AURKA: variants seen among roughly 807,000 people sequenced by gnomAD.
AURKA encodes aurora kinase A, also known as aurora 2.
In AURKA, 12 loss-of-function variants were observed where a neutral mutation model predicts 40.9. That is an observed-to-expected ratio of 0.29 (90% CI 0.19 to 0.48). The LOEUF is 0.48. Ranked by LOEUF, AURKA falls within the 20% of genes least tolerant of loss-of-function variation. The probability of loss-of-function intolerance (pLI) is 0.99; values close to 1 mark genes in which losing one functional copy is unlikely to be tolerated. For synonymous variants in AURKA, 170 were observed against 164.3 expected, an observed-to-expected ratio of 1.03 and a Z score of -0.26; for missense variants, 322 against 462.1, an observed-to-expected ratio of 0.70 and a Z score of 2.78.
At chr20:56,390,548 C>T (rs1402669279) in intron 1 of AURKA, 1 of 152,092 alleles carries the variant, frequency 6.6e-6, no homozygotes, top group Non-Finnish European at 1.5e-5. Flanking sequence ...CTCAGGTGAT[C>T]CACCCACCTC....
chr20:56,377,221 G>A (rs765708309), intron 6 of AURKA, among the ~76,000 whole-genome samples: 10 of 152,212 alleles, frequency 6.6e-5, no homozygotes, highest in Non-Finnish European at 1.5e-4. Flanking sequence ...AGGCTGCAGT[G>A]AGCAGAGATC....
rs1037323685 is a variant in AURKA at position 56,370,164 on chromosome 20, C to A, written c.1206G>T (p.Gln402His). The A allele has an allele frequency of 1.2e-5, 20 of 1,612,460 alleles. No individual in the cohort carries two copies. Among genetic ancestry groups the A allele is most frequent in the Non-Finnish European group, 1.4e-5 (17 of 1,180,000 alleles). The change falls in exon 9 of 9, where the codon CAG becomes CAT. Residue 402 changes from glutamine (Q) to histidine (H), a missense_variant. Physicochemically the swap from Gln to His is conservative, Grantham distance 24. Coordinates refer to ENST00000395915, the MANE Select transcript of AURKA (RefSeq NM_198437.3). ...TTCTCCCCCTGCACGATTCCTAAGA[C>A]TGTTTGCTAGCTGATTCTTTGTTTT... is the stretch of plus-strand genomic sequence containing the variant. ...NCQNKESASK[Q>H]S
intron 1 of AURKA, chr20:56,390,586 C>A (rs1986966620): frequency 6.6e-6 from 1 of 152,064 alleles, no homozygotes; most frequent in Non-Finnish European, 1.5e-5. Flanking sequence ...GGATTACGGG[C>A]ATGAGCCACC....
intron 7 of AURKA, among the ~76,000 whole-genome samples, chr20:56,371,258 C>G (rs757417486): frequency 1.3e-5 from 2 of 152,052 alleles, no homozygotes; most frequent in Non-Finnish European, 2.9e-5. Flanking sequence ...GTCAGGAGAT[C>G]GAGACCATCC....
At chr20:56,379,814 G>A (rs1198295328) in intron 6 of AURKA, among the ~76,000 whole-genome samples, 1 of 151,168 alleles carries the variant, frequency 6.6e-6, no homozygotes, top group Non-Finnish European at 1.5e-5. Flanking sequence ...ATACAAAAAT[G>A]AGCCGGGTGT....
intron 6 of AURKA, among the ~76,000 whole-genome samples, chr20:56,379,866 G>C (rs1464476114): frequency 1.3e-5 from 2 of 151,860 alleles, no homozygotes; most frequent in Admixed American, 6.6e-5. Flanking sequence ...AGGAGGCTGA[G>C]GCAGGAGAAT....
chr20:56,382,966 C>G lies in AURKA; in HGVS notation c.566+19G>C. ...CAGCATTGGTGAACATTCTTTTGAA[C>G]ATGAACCTGAAAACTCACCGAAGGT... On this transcript the variant is annotated intron_variant, in intron 5 of 8. Coordinates refer to ENST00000395915, the MANE Select transcript of AURKA (RefSeq NM_198437.3). 6.2e-7 allele frequency: 1 copy of G among 1,612,744 alleles called. No individual in the cohort carries two copies. The highest frequency in any genetic ancestry group is 8.5e-7 in the Non-Finnish European group (1 of 1,179,804).
At chr20:56,383,516 G>C (rs982437330) in intron 4 of AURKA, among the ~76,000 whole-genome samples, 1 of 152,184 alleles carries the variant, frequency 6.6e-6, no homozygotes, top group Non-Finnish European at 1.5e-5. Flanking sequence ...GACCAGAGAG[G>C]GAGGAATGCT....
intron 3 of AURKA, among the ~76,000 whole-genome samples, chr20:56,385,530 C>T (rs1986246878): frequency 6.6e-6 from 1 of 151,238 alleles, no homozygotes; most frequent in Non-Finnish European, 1.5e-5. Context: ...GGCACAATCT[C>T]GGCTCACCAC....
intron 4 of AURKA, among the ~76,000 whole-genome samples, chr20:56,383,566 T>G (rs923428441): frequency 6.6e-6 from 1 of 152,334 alleles, no homozygotes; most frequent in Admixed American, 6.5e-5. Flanking sequence ...TAACCCCAGC[T>G]GCTCCCTCCA....
At chr20:56,384,749 G>T (rs1362367542) in intron 3 of AURKA, among the ~76,000 whole-genome samples, 2 of 152,084 alleles carry the variant, frequency 1.3e-5, no homozygotes, top group Non-Finnish European at 2.9e-5. Context: ...TCACCAACAT[G>T]TAGCAAAACA....
chr20:56,370,011 A>T lies in AURKA; in HGVS notation c.*147T>A. ...GTGGAGCTTTCTGAATAGGGAGGTT[A>T]AGGCACACCTGCTGAGTAAAACAAA... On this transcript the variant is annotated 3_prime_UTR_variant, in exon 9 of 9. Coordinates refer to ENST00000395915, the MANE Select transcript of AURKA (RefSeq NM_198437.3). The T allele has an allele frequency of 2.0e-6, 2 of 999,280 alleles. No individual in the cohort carries two copies. Among genetic ancestry groups the T allele is most frequent in the Non-Finnish European group, 1.6e-6 (1 of 639,902 alleles). 61.9% of individuals were successfully genotyped at this position (999,280 alleles called of 1,614,324 possible).
At chr20:56,374,406 CAGA>C (rs1407449539) in intron 6 of AURKA, among the ~76,000 whole-genome samples, 1 of 151,946 alleles carries the variant, frequency 6.6e-6, no homozygotes, top group South Asian at 2.1e-4. Flanking sequence ...CATTCTGTGA[CAGA>C]AGAATTTGTT....
chr20:56,375,034 G>A (rs1322013638), intron 6 of AURKA, among the ~76,000 whole-genome samples: 1 of 152,042 alleles, frequency 6.6e-6, no homozygotes, highest in African/African-American at 2.4e-5. Context: ...GGCAACAAGA[G>A]TAAAATTCCG....
At chr20:56,378,250 A>G (rs539863206) in intron 6 of AURKA, among the ~76,000 whole-genome samples, 68 of 152,282 alleles carry the variant, frequency 4.5e-4, no homozygotes, top group African/African-American at 1.5e-3. Context: ...ATACCACATT[A>G]CCGTTGTATA....
chr20:56,378,350 T>C (rs1043769610), intron 6 of AURKA, among the ~76,000 whole-genome samples: 1 of 152,218 alleles, frequency 6.6e-6, no homozygotes, highest in Non-Finnish European at 1.5e-5. Context: ...CTTTGTCTTA[T>C]AGACTCCACT....
At chr20:56,378,197 T>C (rs1047754173) in intron 6 of AURKA, among the ~76,000 whole-genome samples, 7 of 152,106 alleles carry the variant, frequency 4.6e-5, no homozygotes, top group African/African-American at 1.7e-4. Flanking sequence ...CATCAAATGT[T>C]GGCAACTATG....
rs1986648961 is a variant in AURKA, at chr20:56,388,431, C to A, written c.-5-229G>T. The stretch of plus-strand genomic sequence containing the variant: ...CATCCTCTGTCACGGAGTCTTCACT[C>A]CTGATGGTCTTGCTGCTCCATCATC... On this transcript the variant is annotated intron_variant, in intron 1 of 8. Transcript: ENST00000395915. 6.9e-6 allele frequency: 4 copies of A among 579,524 alleles called. No homozygotes were observed. In the East Asian group the frequency reaches 1.1e-4, roughly 17 times the overall value. 35.9% of individuals were successfully genotyped at this position (579,524 alleles called of 1,614,324 possible).
chr20:56,386,537 G>A lies in AURKA; in HGVS notation c.43-4C>T. On this transcript the variant is annotated splice_polypyrimidine_tract_variant and splice_region_variant and intron_variant, in intron 2 of 8. Coordinates refer to ENST00000395915, the MANE Select transcript of AURKA (RefSeq NM_198437.3). ...GACCTCCAACTGGAGCTGTAGCCTA[G>A]AATGGAAGAGAAAATAAACTTTCTG... is the stretch of plus-strand genomic sequence containing the variant. 1 of 1,614,138 alleles carries A rather than the reference G, an allele frequency of 6.2e-7. No homozygotes were observed. The highest frequency in any genetic ancestry group is 8.5e-7 in the Non-Finnish European group (1 of 1,180,002).
Sources: allele counts gnomAD v4.1 joint callset (sites outside exome capture counted in the v4.1 genomes callset), GRCh38; gene constraint gnomAD v4.1.1; transcripts MANE v1.5; gene names NCBI Gene and HGNC (gene_info 2026-07-23, HGNC 2026-07-21).